Variants in PBX3 observed in about 807,000 individuals in gnomAD.
PBX3 encodes PBX homeobox 3, also known as pre-B-cell leukemia transcription factor 3.
PBX3 carries 14 observed loss-of-function variants against 48.5 expected under a neutral mutation model. That is an observed-to-expected ratio of 0.29 (90% CI 0.19 to 0.45). The LOEUF (loss-of-function observed/expected upper bound fraction) is 0.45. Among genes scored for constraint, PBX3 ranks in the 20% least tolerant of loss-of-function variants. The probability of loss-of-function intolerance (pLI) is 1.00; values close to 1 mark genes in which losing one functional copy is unlikely to be tolerated. For synonymous variants in PBX3, 210 were observed against 200.3 expected, an observed-to-expected ratio of 1.05 and a Z score of -0.41; for missense variants, 386 against 546.7, an observed-to-expected ratio of 0.71 and a Z score of 2.93.
intron 4 of PBX3, among the ~76,000 whole-genome samples, chr9:125,931,157 T>G (rs972317251): frequency 6.6e-6 from 1 of 152,214 alleles, no homozygotes; most frequent in African/African-American, 2.4e-5. Context: ...AAAGAAATAT[T>G]TCTGTGATGG....
At chr9:125,834,594 C>T (rs1005790537) in intron 2 of PBX3, among the ~76,000 whole-genome samples, 2 of 151,158 alleles carry the variant, frequency 1.3e-5, no homozygotes, top group African/African-American at 4.8e-5. Context: ...ACGGGGGTTG[C>T]GCCAAGTTGA....
At chr9:125,964,529 A>G (rs1290036694) in intron 8 of PBX3, among the ~76,000 whole-genome samples, 1 of 147,852 alleles carries the variant, frequency 6.8e-6, no homozygotes, top group Admixed American at 6.7e-5. Context: ...TTTTTTTTAA[A>G]TACTGTTTCC....
chr9:125,880,585 A>C (rs1285159387), intron 2 of PBX3, among the ~76,000 whole-genome samples: 1 of 152,230 alleles, frequency 6.6e-6, no homozygotes, highest in Non-Finnish European at 1.5e-5. Context: ...CACTCTGATT[A>C]CTACAGAAAT....
At chr9:125,882,780 CTG>C (rs1840411557) in intron 2 of PBX3, among the ~76,000 whole-genome samples, 1 of 152,136 alleles carries the variant, frequency 6.6e-6, no homozygotes, top group Non-Finnish European at 1.5e-5. Context: ...TAGATATGGT[CTG>C]TAGTTATTCA....
intron 2 of PBX3, among the ~76,000 whole-genome samples, chr9:125,795,528 C>T (rs1837752792): frequency 6.6e-6 from 1 of 152,070 alleles, no homozygotes. Flanking sequence ...TTCTCAGGGT[C>T]TGGTATGTAC....
At chr9:125,867,663 AAAAC>A (rs561857330) in intron 2 of PBX3, among the ~76,000 whole-genome samples, 62 of 150,262 alleles carry the variant, frequency 4.1e-4, no homozygotes, top group African/African-American at 1.3e-3. Flanking sequence ...AAAAACCACA[AAAAC>A]AAACAAAACA....
intron 3 of PBX3, among the ~76,000 whole-genome samples, chr9:125,928,833 G>A (rs990812664): frequency 6.6e-6 from 1 of 152,176 alleles, no homozygotes; most frequent in African/African-American, 2.4e-5. Context: ...ATCCCTTGAA[G>A]AGTTGAGCTG....
intron 2 of PBX3, among the ~76,000 whole-genome samples, chr9:125,856,616 G>A (rs562182438): frequency 2.0e-5 from 3 of 152,214 alleles, no homozygotes; most frequent in Middle Eastern, 3.4e-3. Flanking sequence ...ACTAAACCCC[G>A]TTTGGCAGTA....
intron 5 of PBX3, among the ~76,000 whole-genome samples, chr9:125,936,293 C>G (rs1015022431): frequency 2.6e-5 from 4 of 152,064 alleles, no homozygotes; most frequent in Non-Finnish European, 4.4e-5. Context: ...AACAAGTGTA[C>G]CTCTTTAGAA....
intron 2 of PBX3, among the ~76,000 whole-genome samples, chr9:125,831,102 G>T (rs1182291989): frequency 6.6e-6 from 1 of 152,136 alleles, no homozygotes; most frequent in Non-Finnish European, 1.5e-5. Context: ...CCCAATTCTA[G>T]ATTTGGCTGA....
chr9:125,931,093 A>G (rs1350243605), intron 4 of PBX3, among the ~76,000 whole-genome samples: 1 of 152,224 alleles, frequency 6.6e-6, no homozygotes, highest in Non-Finnish European at 1.5e-5. Flanking sequence ...AGAAAAAATC[A>G]CTATAAATGT....
At chr9:125,935,720 T>TA (rs1284737888) in intron 5 of PBX3, 113 bp downstream of exon 5, 111 of 1,061,838 alleles carry the variant, frequency 1.0e-4, no homozygotes, top group Middle Eastern at 4.2e-4. Context: ...TCAAAAAAGA[T>TA]ATAAGGAAAA....
At chr9:125,753,200 A>G (rs535406638) in intron 2 of PBX3, among the ~76,000 whole-genome samples, 2 of 152,268 alleles carry the variant, frequency 1.3e-5, no homozygotes, top group African/African-American at 4.8e-5. Flanking sequence ...GTGATTAAAC[A>G]GGAAAAATAC....
At chr9:125,965,781 T>G (rs2118839869) in intron 8 of PBX3, 50 bp from the exon 9 acceptor site, 1 of 1,351,406 alleles carries the variant, frequency 7.4e-7, no homozygotes, top group African/African-American at 1.4e-5. Context: ...AATTGGGGAG[T>G]AGAATTAATA....
At chr9:125,955,763 C>T (rs73668742) in intron 5 of PBX3, among the ~76,000 whole-genome samples, 6,124 of 152,188 alleles carry the variant, frequency 0.04, 438 homozygotes, top group African/African-American at 0.14. Flanking sequence ...TTAGAGTCTC[C>T]GCTCTACGGT....
At chr9:125,758,303 T>C (rs1464951590) in intron 2 of PBX3, among the ~76,000 whole-genome samples, 2 of 152,186 alleles carry the variant, frequency 1.3e-5, no homozygotes, top group African/African-American at 4.8e-5. Flanking sequence ...TTTCCTTTTT[T>C]TTTTGACTGA....
chr9:125,836,863 C>G (rs919631703), intron 2 of PBX3, among the ~76,000 whole-genome samples: 1 of 151,930 alleles, frequency 6.6e-6, no homozygotes, highest in African/African-American at 2.4e-5. Context: ...GTCAGATTAG[C>G]AAAGATCAAA....
At chr9:125,930,803 C>A (rs553924536) in intron 4 of PBX3, among the ~76,000 whole-genome samples, 1 of 152,304 alleles carries the variant, frequency 6.6e-6, no homozygotes, top group South Asian at 2.1e-4. Flanking sequence ...AGCCCATCCT[C>A]CATATCCCTT....
intron 2 of PBX3, among the ~76,000 whole-genome samples, chr9:125,790,446 G>C (rs56210643): frequency 0.027 from 4,068 of 152,020 alleles, 211 homozygotes; most frequent in African/African-American, 0.092. Flanking sequence ...TAGAGATGGG[G>C]TTTCGCCATG....
Sources: gnomAD v4.1 joint callset for allele counts (sites outside exome capture counted in the v4.1 genomes callset) on GRCh38, gnomAD v4.1.1 for gene constraint, MANE v1.5 for transcripts, NCBI Gene and HGNC (gene_info 2026-07-23, HGNC 2026-07-21) for gene names.